Variants in PCDHGB7 observed in about 807,000 individuals in gnomAD.
The protein encoded by PCDHGB7 is protocadherin gamma subfamily B, 7, also known as protocadherin gamma-B7.
PCDHGB7 carries 37 observed loss-of-function variants against 61.4 expected under a neutral mutation model. That is an observed-to-expected ratio of 0.60 (90% confidence interval 0.46 to 0.79). The LOEUF is 0.79. Ranked by LOEUF, PCDHGB7 falls within the 30% of genes least tolerant of loss-of-function variation. The pLI is 0.00. For synonymous variants in PCDHGB7, 464 were observed against 503.5 expected (o/e 0.92, Z 1.05); for missense variants, 1,166 against 1,202.5 (o/e 0.97, Z 0.45).
At chr5:141,434,667 G>A (rs1464226862) in intron 1 of PCDHGB7, among the ~76,000 whole-genome samples, 5 of 151,956 alleles carry the variant, frequency 3.3e-5, no homozygotes, top group African/African-American at 1.2e-4. Context: ...CTATAGAAAT[G>A]ATGCTAATGA....
At chr5:141,461,740 G>T (rs770518286) in intron 1 of PCDHGB7, among the ~76,000 whole-genome samples, 1 of 152,072 alleles carries the variant, frequency 6.6e-6, no homozygotes, top group African/African-American at 2.4e-5. Context: ...GCACAATCCC[G>T]GCTCCCAGAT....
intron 1 of PCDHGB7, chr5:141,421,565 A>T (rs1373619696): frequency 1.2e-6 from 2 of 1,613,834 alleles, no homozygotes; most frequent in Admixed American, 3.3e-5. Context: ...CTCGTGGAAG[A>T]CACCTTGAAG....
At chr5:141,504,135 C>G (rs758903340) in intron 2 of PCDHGB7, among the ~76,000 whole-genome samples, 215 of 152,306 alleles carry the variant, frequency 1.4e-3, no homozygotes, top group Middle Eastern at 3.4e-3. Context: ...CCCGCCAACA[C>G]TCCCCTGCAA....
At position 141,481,468 on chromosome 5, in the gene PCDHGB7, G is replaced by A. The variant is rs575259839; in HGVS notation, c.2416-13339G>A. Among the ~76,000 whole-genome samples the A allele has an allele frequency of 2.6e-5, 4 of 152,332 alleles. No homozygotes were observed. In the South Asian group the frequency reaches 8.3e-4, roughly 32 times the overall value. On this transcript the variant is annotated intron_variant, in intron 1 of 3. Transcript: ENST00000398594. Reference sequence around the variant, plus strand: ...CATGTAAATACACTGAAAACCATTGGATTATACACTTTAAATATGTGATTT... The same window carrying A: ...CATGTAAATACACTGAAAACCATTGAATTATACACTTTAAATATGTGATTT...
chr5:141,504,161 T>C (rs931754061), intron 2 of PCDHGB7, among the ~76,000 whole-genome samples: 1 of 152,196 alleles, frequency 6.6e-6, no homozygotes, highest in Non-Finnish European at 1.5e-5. Context: ...AATAATTTCA[T>C]CCTTGGAAAT....
At position 141,418,928 on chromosome 5, in the gene PCDHGB7, A is replaced by C; in HGVS notation, c.1069A>C (p.Met357Leu). Reference protein sequence around the residue: ...IIITSLSDQIMEDSPPGVVVA... With the variant: ...IIITSLSDQILEDSPPGVVVA... ...CATCACGTCACTCTCTGATCAGATT[A>C]TGGAGGATTCCCCTCCAGGAGTGGT... Residue 357 changes from methionine (M) to leucine (L), a missense_variant, in exon 1 of 4, where the codon ATG becomes CTG. Coordinates refer to ENST00000398594, the MANE Select transcript of PCDHGB7 (RefSeq NM_018927.4). 1.2e-6 allele frequency: 2 copies of C among 1,613,978 alleles called. No individual in the cohort carries two copies. The highest frequency in any genetic ancestry group is 1.7e-6 in the Non-Finnish European group (2 of 1,179,820).
rs2098995125 is a variant in PCDHGB7 at position 141,460,673 on chromosome 5, A to G, written c.2416-34134A>G. 2.6e-5 allele frequency among the ~76,000 whole-genome samples: 4 copies of G among 152,244 alleles called. No homozygotes were observed. The South Asian group carries it at 8.3e-4, about 32-fold the overall frequency. On this transcript the variant is annotated intron_variant, in intron 1 of 3. Coordinates refer to ENST00000398594, the MANE Select transcript of PCDHGB7 (RefSeq NM_018927.4). ...CATATGTAACTGTAAACACAGTTAT[A>G]TATCTATATATCCACCAACAGTTGA... is the stretch of plus-strand genomic sequence containing the variant.
intron 1 of PCDHGB7, among the ~76,000 whole-genome samples, chr5:141,465,119 A>T (rs2099097382): frequency 6.6e-6 from 1 of 151,780 alleles, no homozygotes; most frequent in Non-Finnish European, 1.5e-5. Flanking sequence ...GTTTTAGCCT[A>T]AATTTGTAAA....
At position 141,431,123 on chromosome 5, in the gene PCDHGB7, GAAGT is replaced by G. The variant is rs751548736; in HGVS notation, c.2415+10853_2415+10856del. The G allele has an allele frequency of 1.2e-6, 2 of 1,614,100 alleles. No individual in the cohort carries two copies. The highest frequency in any genetic ancestry group is 3.3e-5 in the Admixed American group (2 of 60,014). On this transcript the variant is annotated intron_variant, in intron 1 of 3. Transcript: ENST00000398594. This position sits in a 1 kb window ranked among gnomAD's most constrained non-coding sequence, Gnocchi z 4.8. ...AGTGAAAATATATGGAGTAGAAGTA[GAAGT>G]AAGGGACATTAACGACAATGCGCCT... is the stretch of plus-strand genomic sequence containing the variant.
rs1001555249 is a variant in PCDHGB7, at chr5:141,486,728, G to A, written c.2416-8079G>A. The A allele has an allele frequency of 1.2e-6, 2 of 1,614,200 alleles. No homozygotes were observed. The highest frequency in any genetic ancestry group is 1.7e-6 in the Non-Finnish European group (2 of 1,180,052). On this transcript the variant is annotated intron_variant, in intron 1 of 3. Transcript: ENST00000398594. This position sits in a 1 kb window ranked among gnomAD's most constrained non-coding sequence, Gnocchi z 5.0. Reference sequence around the variant, plus strand: ...GAACCCCCAGACAGGAGCTGTTCATGCTACTCGATCCTTTGACTATGAGCA... The same window carrying A: ...GAACCCCCAGACAGGAGCTGTTCATACTACTCGATCCTTTGACTATGAGCA...
chr5:141,467,908 C>G (rs2099154038), intron 1 of PCDHGB7, among the ~76,000 whole-genome samples: 1 of 152,172 alleles, frequency 6.6e-6, no homozygotes, highest in Non-Finnish European at 1.5e-5. Flanking sequence ...ATCCGCCCAC[C>G]TCAGCCTCCC....
intron 1 of PCDHGB7, among the ~76,000 whole-genome samples, chr5:141,450,259 C>A (rs1243327669): frequency 6.6e-6 from 1 of 152,118 alleles, no homozygotes; most frequent in East Asian, 1.9e-4. Context: ...CTCAAGTGAT[C>A]TGCCCACCTC....
At position 141,420,225 on chromosome 5, in the gene PCDHGB7, C is replaced by G; in HGVS notation, c.2366C>G (p.Ala789Gly). 1 of 1,603,470 alleles carries G rather than the reference C, an allele frequency of 6.2e-7. No individual in the cohort carries two copies. Residue 789 changes from alanine to glycine, a missense_variant, in exon 1 of 4, where the codon GCT (alanine) becomes GGT (glycine). Ala to Gly is a moderately conservative substitution (Grantham distance 60, BLOSUM62 0). Transcript: ENST00000398594. ...CTCAACAAAGATAGCATGCTACTGGCTAGCATTTTAACTCCCAGCGTTGAA... is the reference window on the plus strand; with the variant it reads ...CTCAACAAAGATAGCATGCTACTGGGTAGCATTTTAACTCCCAGCGTTGAA... ...DNLNKDSMLLASILTPSVEAD... is the reference protein window; with the variant it reads ...DNLNKDSMLLGSILTPSVEAD...
At chr5:141,499,570 A>C (rs1027373056) in intron 2 of PCDHGB7, among the ~76,000 whole-genome samples, 2 of 152,200 alleles carry the variant, frequency 1.3e-5, no homozygotes, top group Non-Finnish European at 2.9e-5. Flanking sequence ...TCCAGCTTCA[A>C]CTAATGCCTT....
In PCDHGB7 at chr5:141,491,841, A is replaced by T. The variant is rs995010359; in HGVS notation, c.2416-2966A>T. The T allele has an allele frequency of 1.4e-6, 2 of 1,465,172 alleles. No homozygotes were observed. The highest frequency in any genetic ancestry group is 1.4e-5 in the African/African-American group (1 of 69,948). 90.8% of individuals were successfully genotyped at this position (1,465,172 alleles called of 1,614,324 possible). ...TGCGCTCCACCCGATTCTCGGGATC[A>T]TTGGACCGTTTGCGCGAAACCAGAG... is the stretch of plus-strand genomic sequence containing the variant. On this transcript the variant is annotated intron_variant, in intron 1 of 3. Transcript: ENST00000398594. The surrounding 1 kb of genome is among the most constrained non-coding windows in gnomAD (Gnocchi z 6.9).
chr5:141,427,319 G>T (rs1184530487), intron 1 of PCDHGB7: 4 of 456,958 alleles, frequency 8.8e-6, no homozygotes, highest in African/African-American at 8.0e-5. Flanking sequence ...CCCCAGACGT[G>T]GTTTTTACTT....
chr5:141,422,871 G>A (rs769543752), intron 1 of PCDHGB7: 1 of 1,614,216 alleles, frequency 6.2e-7, no homozygotes, highest in Admixed American at 1.7e-5. Context: ...GCAACGTGTC[G>A]CTGAGCCTGT....
At chr5:141,488,594 C>T (rs1398982317) in intron 1 of PCDHGB7, among the ~76,000 whole-genome samples, 3 of 152,164 alleles carry the variant, frequency 2.0e-5, no homozygotes, top group African/African-American at 7.2e-5. Context: ...CAGGGCAAGA[C>T]TTTACAAGGT....
Position 141,476,962 on chromosome 5 carries a change from C to T in PCDHGB7, c.2416-17845C>T. The stretch of plus-strand genomic sequence containing the variant: ...GCCCCAACGGTGAAATTATTTACTC[C>T]TTCGGCAGCCACAACCGCGCCGGCG... On this transcript the variant is annotated intron_variant, in intron 1 of 3. Coordinates refer to ENST00000398594, the MANE Select transcript of PCDHGB7 (RefSeq NM_018927.4). The surrounding 1 kb of genome is among the most constrained non-coding windows in gnomAD (Gnocchi z 7.6). 6.2e-7 allele frequency: 1 copy of T among 1,614,200 alleles called. No homozygotes were observed. Among genetic ancestry groups the T allele is most frequent in the South Asian group, 1.1e-5 (1 of 91,090 alleles).
Sources: allele counts gnomAD v4.1 joint callset (sites outside exome capture counted in the v4.1 genomes callset), GRCh38; gene constraint gnomAD v4.1.1; non-coding constraint Gnocchi (gnomAD v3.1); transcripts MANE v1.5; gene names NCBI Gene and HGNC (gene_info 2026-07-23, HGNC 2026-07-21).